NR5A2: variants seen among roughly 807,000 people sequenced by gnomAD.
The protein encoded by NR5A2 is nuclear receptor subfamily 5 group A member 2.
Under a neutral mutation model 62.7 loss-of-function variants are expected in NR5A2, and 26 were observed. The observed-to-expected ratio is 0.41, with a 90% CI of 0.30 to 0.58. The LOEUF is 0.58. Among genes scored for constraint, NR5A2 ranks in the 20% least tolerant of loss-of-function variants. NR5A2 has a pLI of 0.22. For synonymous variants in NR5A2, 246 were observed against 241.7 expected (o/e 1.02, Z -0.16); for missense variants, 541 against 669.1 (o/e 0.81, Z 2.11).
At chr1:200,066,884 A>G (rs1469756695) in intron 5 of NR5A2, among the ~76,000 whole-genome samples, 2 of 152,088 alleles carry the variant, frequency 1.3e-5, no homozygotes. Context: ...GGCCCCTGCC[A>G]TCTATTTTAA....
At chr1:200,165,745 C>T (rs1255419507) in intron 7 of NR5A2, among the ~76,000 whole-genome samples, 1 of 152,196 alleles carries the variant, frequency 6.6e-6, no homozygotes, top group Non-Finnish European at 1.5e-5. Context: ...TAACCATTCA[C>T]ATACTAAAGG....
At chr1:200,090,695 TTC>T (rs1664772866) in intron 5 of NR5A2, among the ~76,000 whole-genome samples, 1 of 152,302 alleles carries the variant, frequency 6.6e-6, no homozygotes, top group South Asian at 2.1e-4. Context: ...ACAAAAACCC[TTC>T]TCAGTGTCCT....
At chr1:200,097,811 C>T (rs567906297) in intron 5 of NR5A2, among the ~76,000 whole-genome samples, 16 of 152,074 alleles carry the variant, frequency 1.1e-4, no homozygotes, top group Non-Finnish European at 4.4e-5. Context: ...AGTATCATAG[C>T]CTGCATATTC....
At chr1:200,115,710 C>A (rs779788909) in intron 6 of NR5A2, among the ~76,000 whole-genome samples, 5 of 151,982 alleles carry the variant, frequency 3.3e-5, no homozygotes, top group Admixed American at 6.6e-5. Flanking sequence ...CACAGGTAAG[C>A]CCCATTACAC....
intron 7 of NR5A2, among the ~76,000 whole-genome samples, chr1:200,165,489 T>C (rs1427664266): frequency 6.6e-6 from 1 of 152,220 alleles, no homozygotes; most frequent in Admixed American, 6.5e-5. Context: ...CTAGAAGTCC[T>C]CTGTGCTCTG....
rs147334794 is a variant in NR5A2, at chr1:200,119,515, T to C, written c.1231-1293T>C. On this transcript the variant is annotated intron_variant, in intron 6 of 7. Transcript: ENST00000367362. Reference sequence around the variant, plus strand: ...AGGTACCAACTGGGCTTTCCCATTATGCTGTAATCGCAGCAGCAAAGCCAG... The same window carrying C: ...AGGTACCAACTGGGCTTTCCCATTACGCTGTAATCGCAGCAGCAAAGCCAG... Among the ~76,000 whole-genome samples the C allele has an allele frequency of 4.4e-3, 674 of 152,336 alleles. 12 individuals carry two copies. Among genetic ancestry groups the C allele is most frequent in the African/African-American group, 0.015 (637 of 41,584 alleles).
intron 5 of NR5A2, among the ~76,000 whole-genome samples, chr1:200,076,102 T>G (rs1246454486): frequency 1.3e-5 from 2 of 149,296 alleles, no homozygotes; most frequent in Non-Finnish European, 3.0e-5. Context: ...CAAGAAACAG[T>G]TTTTTTCCTC....
chr1:200,110,574 A>C (rs1665894753), intron 5 of NR5A2, among the ~76,000 whole-genome samples: 1 of 152,138 alleles, frequency 6.6e-6, no homozygotes, highest in Non-Finnish European at 1.5e-5. Context: ...TTTGTGGCAA[A>C]ATTGTCCAAA....
chr1:200,140,197 T>G (rs1234231908), intron 7 of NR5A2, among the ~76,000 whole-genome samples: 1 of 152,114 alleles, frequency 6.6e-6, no homozygotes. Flanking sequence ...ATATCTTCTG[T>G]GTAGATTATT....
At chr1:200,085,514 T>C (rs539906636) in intron 5 of NR5A2, among the ~76,000 whole-genome samples, 1 of 152,240 alleles carries the variant, frequency 6.6e-6, no homozygotes, top group East Asian at 1.9e-4. Context: ...GTAACTTCAC[T>C]GTCCTTCTCT....
chr1:200,103,881 A>T (rs1360233218), intron 5 of NR5A2, among the ~76,000 whole-genome samples: 1 of 152,220 alleles, frequency 6.6e-6, no homozygotes, highest in African/African-American at 2.4e-5. Flanking sequence ...AGTTGTAGTA[A>T]CTGTATATGA....
chr1:200,082,228 C>A (rs2102236569), intron 5 of NR5A2, among the ~76,000 whole-genome samples: 1 of 151,828 alleles, frequency 6.6e-6, no homozygotes, highest in East Asian at 1.9e-4. Flanking sequence ...AAAAAATCTC[C>A]TGATTAGGGG....
intron 5 of NR5A2, among the ~76,000 whole-genome samples, chr1:200,092,205 T>C (rs886765951): frequency 6.6e-6 from 1 of 152,244 alleles, no homozygotes; most frequent in Non-Finnish European, 1.5e-5. Context: ...GAATATGCTT[T>C]ACTTTGAAAG....
chr1:200,089,978 C>T (rs2102250577), intron 5 of NR5A2, among the ~76,000 whole-genome samples: 1 of 152,246 alleles, frequency 6.6e-6, no homozygotes, highest in Middle Eastern at 3.4e-3. Context: ...TAAATGTAGG[C>T]CTGGACGTAT....
chr1:200,055,487 C>G (rs1051968189), intron 5 of NR5A2, among the ~76,000 whole-genome samples: 4 of 152,042 alleles, frequency 2.6e-5, no homozygotes, highest in African/African-American at 9.7e-5. Context: ...CTGTGCCCAG[C>G]CAGCCCTACT....
intron 1 of NR5A2, chr1:200,029,313 T>C (rs1661464509): frequency 5.8e-6 from 1 of 172,392 alleles, no homozygotes; most frequent in Non-Finnish European, 1.2e-5. Context: ...CAAAATAGAG[T>C]TGAGCTGGGT....
rs767112866 is a variant in NR5A2, at chr1:200,173,955, T to C, written c.1379-8T>C. 3 of 1,344,396 alleles carry C rather than the reference T, an allele frequency of 2.2e-6. No individual in the cohort carries two copies. Among genetic ancestry groups the C allele is most frequent in the East Asian group, 2.8e-5 (1 of 35,724 alleles). 83.3% of individuals were successfully genotyped at this position (1,344,396 alleles called of 1,614,324 possible). On this transcript the variant is annotated splice_polypyrimidine_tract_variant and splice_region_variant and intron_variant, in intron 7 of 7. Coordinates refer to ENST00000367362, the MANE Select transcript of NR5A2 (RefSeq NM_205860.3). ...ATGTTGCTTTTTTTTTTTTTTTTTT[T>C]AATGCAGATGTCAAAAACCTTGAAA...
chr1:200,096,600 T>C (rs539019025), intron 5 of NR5A2, among the ~76,000 whole-genome samples: 3 of 152,088 alleles, frequency 2.0e-5, no homozygotes, highest in Non-Finnish European at 4.4e-5. Context: ...TTGACATGAG[T>C]CAACCAGCCC....
At position 200,132,170 on chromosome 1, in the gene NR5A2, C is replaced by T. The variant is rs576945863; in HGVS notation, c.1378+11215C>T. Among the ~76,000 whole-genome samples the T allele has an allele frequency of 9.9e-5, 15 of 152,212 alleles. No homozygotes were observed. The East Asian group carries it at 1.5e-3, about 16-fold the overall frequency. On this transcript the variant is annotated intron_variant, in intron 7 of 7. Coordinates refer to ENST00000367362, the MANE Select transcript of NR5A2 (RefSeq NM_205860.3). ...GATTACAAGTGCCTGCTACCACCCC[C>T]GGCTAATTTTTGTATTTTTAGTAGA...
Sources: allele counts gnomAD v4.1 joint callset (sites outside exome capture counted in the v4.1 genomes callset), GRCh38; gene constraint gnomAD v4.1.1; transcripts MANE v1.5; gene names NCBI Gene and HGNC (gene_info 2026-07-23, HGNC 2026-07-21).